Variants in KIRREL3 observed in about 807,000 individuals in gnomAD.
KIRREL3 encodes the protein kin of IRRE-like protein 3.
A neutral mutation model predicts 89.7 loss-of-function variants in KIRREL3; 36 were observed. That is an observed-to-expected ratio of 0.40 (90% CI 0.31 to 0.53). The LOEUF (loss-of-function observed/expected upper bound fraction) is 0.53, where lower values mean the gene tolerates loss of function less well. Ranked by LOEUF, KIRREL3 falls within the 20% of genes least tolerant of loss-of-function variation. The pLI is 0.49. For synonymous variants in KIRREL3, 445 were observed against 441.4 expected (o/e 1.01, Z -0.10); for missense variants, 864 against 1,056.6 (o/e 0.82, Z 2.53).
At chr11:126,536,304 C>T (rs1937866708) in intron 2 of KIRREL3, among the ~76,000 whole-genome samples, 1 of 151,924 alleles carries the variant, frequency 6.6e-6, no homozygotes, top group Non-Finnish European at 1.5e-5. Flanking sequence ...GAAGGTGGCC[C>T]AGTATCCTGG....
chr11:126,680,863 T>C (rs1946422962), intron 1 of KIRREL3, among the ~76,000 whole-genome samples: 1 of 152,176 alleles, frequency 6.6e-6, no homozygotes. Flanking sequence ...TTTCATTAAA[T>C]GAATGCCAGA....
rs1949894462 is a variant in KIRREL3, at chr11:126,768,152, C to CCATCCATT, written c.56-205241_56-205240insAATGGATG. On this transcript the variant is annotated intron_variant, in intron 1 of 16. Transcript: ENST00000525144. The surrounding 1 kb of genome is among the most constrained non-coding windows in gnomAD (Gnocchi z 4.5). The stretch of plus-strand genomic sequence containing the variant: ...TCCATCTATCCATCCATCCATCCAT[C>CCATCCATT]CATCCATCCATCCATCCAATCCATC... 1.5e-5 allele frequency among the ~76,000 whole-genome samples: 2 copies of CCATCCATT among 130,590 alleles called. No homozygotes were observed. The highest frequency in any genetic ancestry group is 3.1e-5 in the Non-Finnish European group (2 of 64,338). The allele number at this position is 130,590 out of a possible 152,430, so 85.7% of individuals were successfully genotyped here. A position where few individuals can be genotyped will look rare whatever the true frequency, so the allele number is the denominator to read the frequency against.
Position 126,709,344 on chromosome 11 carries a change from G to A in KIRREL3, c.56-146432C>T, listed in dbSNP as rs905010514. Among the ~76,000 whole-genome samples, 1 of 152,140 alleles carries A rather than the reference G, an allele frequency of 6.6e-6. No individual in the cohort carries two copies. Among genetic ancestry groups the A allele is most frequent in the African/African-American group, 2.4e-5 (1 of 41,432 alleles). ...AATCAGTCCTATCTCTTCCCCGGGA[G>A]TAGGGGTGGAGGGGCAGCACCCCCG... On this transcript the variant is annotated intron_variant, in intron 1 of 16. Coordinates refer to ENST00000525144, the MANE Select transcript of KIRREL3 (RefSeq NM_032531.4). The surrounding 1 kb of genome is among the most constrained non-coding windows in gnomAD (Gnocchi z 4.0).
Position 126,476,280 on chromosome 11 carries a change from G to A in KIRREL3, c.434-2814C>T, listed in dbSNP as rs1218952165. ...ACCCCAGGCATCAGGACTTTGGGGA[G>A]CTCCCCAGGGGGTCCCATGGCAGGA... On this transcript the variant is annotated intron_variant, in intron 4 of 16. Transcript: ENST00000525144. The surrounding 1 kb of genome is among the most constrained non-coding windows in gnomAD (Gnocchi z 6.4). Among the ~76,000 whole-genome samples, 4 of 152,202 alleles carry A rather than the reference G, an allele frequency of 2.6e-5. No homozygotes were observed. Among genetic ancestry groups the A allele is most frequent in the Non-Finnish European group, 4.4e-5 (3 of 68,040 alleles).
rs1409986398 is a variant in KIRREL3 at position 126,594,680 on chromosome 11, T to C, written c.56-31768A>G. Among the ~76,000 whole-genome samples, 1 of 151,670 alleles carries C rather than the reference T, an allele frequency of 6.6e-6. No individual in the cohort carries two copies. The highest frequency in any genetic ancestry group is 1.5e-5 in the Non-Finnish European group (1 of 68,030). On this transcript the variant is annotated intron_variant, in intron 1 of 16. Transcript: ENST00000525144. This position sits in a 1 kb window ranked among gnomAD's most constrained non-coding sequence, Gnocchi z 5.0. ...AGAAACTATCTCTAAGGCCAGCTCT[T>C]AAATTCTCTAACCCATGCTCCTGGC...
In KIRREL3 at chr11:126,476,365, A is replaced by G. The variant is rs1001758228; in HGVS notation, c.434-2899T>C. 6.6e-6 allele frequency among the ~76,000 whole-genome samples: 1 copy of G among 152,142 alleles called. No individual in the cohort carries two copies. The highest frequency in any genetic ancestry group is 1.5e-5 in the Non-Finnish European group (1 of 68,018). On this transcript the variant is annotated intron_variant, in intron 4 of 16. Transcript: ENST00000525144. The surrounding 1 kb of genome is among the most constrained non-coding windows in gnomAD (Gnocchi z 6.4). ...GCAGGAGCCTCTGCTTGCTCTGAGC[A>G]CAGTGCAGCCACCAAGGCCTTCCCG... is the stretch of plus-strand genomic sequence containing the variant.
chr11:126,619,248 G>C (rs1046762975), intron 1 of KIRREL3, among the ~76,000 whole-genome samples: 8 of 152,204 alleles, frequency 5.3e-5, no homozygotes, highest in African/African-American at 1.9e-4. Flanking sequence ...GAGGAAACAG[G>C]AGATGCCAAA....
rs552311152 is a variant in KIRREL3 at position 126,677,967 on chromosome 11, G to A, written c.56-115055C>T. 1.1e-4 allele frequency among the ~76,000 whole-genome samples: 17 copies of A among 152,148 alleles called. No homozygotes were observed. Among genetic ancestry groups the A allele is most frequent in the South Asian group, 2.1e-4 (1 of 4,814 alleles). ...GCCCTGGGACCCAGAGACACACCCC[G>A]TCCCCAGGCTCCAGCTTCATGGAGC... On this transcript the variant is annotated intron_variant, in intron 1 of 16. Coordinates refer to ENST00000525144, the MANE Select transcript of KIRREL3 (RefSeq NM_032531.4). The surrounding 1 kb of genome is among the most constrained non-coding windows in gnomAD (Gnocchi z 5.1).
At chr11:126,950,604 A>G (rs1948749999) in intron 1 of KIRREL3, among the ~76,000 whole-genome samples, 1 of 152,202 alleles carries the variant, frequency 6.6e-6, no homozygotes, top group African/African-American at 2.4e-5. Context: ...CTAGTGCATT[A>G]CAAAAGACAT....
rs1943582485 is a variant in KIRREL3 at position 126,830,910 on chromosome 11, G to T, written c.55+169545C>A. Among the ~76,000 whole-genome samples the T allele has an allele frequency of 6.6e-6, 1 of 152,108 alleles. No homozygotes were observed. The highest frequency in any genetic ancestry group is 1.5e-5 in the Non-Finnish European group (1 of 68,030). ...CAAGATGTTGCTTTATGGGCAAGGG[G>T]TACGGCCACATATGCCTTCATTGAT... is the stretch of plus-strand genomic sequence containing the variant. On this transcript the variant is annotated intron_variant, in intron 1 of 16. Coordinates refer to ENST00000525144, the MANE Select transcript of KIRREL3 (RefSeq NM_032531.4). This position sits in a 1 kb window ranked among gnomAD's most constrained non-coding sequence, Gnocchi z 4.9.
At chr11:126,833,018 AC>A (rs1226351356) in intron 1 of KIRREL3, among the ~76,000 whole-genome samples, 1 of 152,186 alleles carries the variant, frequency 6.6e-6, no homozygotes, top group Non-Finnish European at 1.5e-5. Flanking sequence ...CTTTAAATCA[AC>A]GGAATGTGTC....
chr11:126,737,970 T>C (rs764354574), intron 1 of KIRREL3, among the ~76,000 whole-genome samples: 1 of 152,208 alleles, frequency 6.6e-6, no homozygotes, highest in Non-Finnish European at 1.5e-5. Flanking sequence ...CTTATTCTTC[T>C]ATTTAACTGT....
intron 1 of KIRREL3, among the ~76,000 whole-genome samples, chr11:126,964,840 T>G (rs1339265968): frequency 6.6e-6 from 1 of 152,122 alleles, no homozygotes; most frequent in African/African-American, 2.4e-5. Context: ...ATCTTCCCAA[T>G]GACCCTCAAA....
chr11:126,694,432 C>T lies in KIRREL3; in HGVS notation c.56-131520G>A, dbSNP rs951617596. Reference sequence around the variant, plus strand: ...GTCTGATTGTGTCAGCATCACGCTCCGTGACATTTAAAAGTGGGGAAGGAA... The same window carrying T: ...GTCTGATTGTGTCAGCATCACGCTCTGTGACATTTAAAAGTGGGGAAGGAA... On this transcript the variant is annotated intron_variant, in intron 1 of 16. Coordinates refer to ENST00000525144, the MANE Select transcript of KIRREL3 (RefSeq NM_032531.4). The surrounding 1 kb of genome is among the most constrained non-coding windows in gnomAD (Gnocchi z 4.4). 1.3e-5 allele frequency among the ~76,000 whole-genome samples: 2 copies of T among 152,120 alleles called. No individual in the cohort carries two copies. The highest frequency in any genetic ancestry group is 2.4e-5 in the African/African-American group (1 of 41,424).
In KIRREL3 at chr11:126,985,379, C is replaced by A. The variant is rs1949834388; in HGVS notation, c.55+15076G>T. ...CCAGCCCTGGCCGCCAGGAAGCTCACAATATGGAAGGGAAGGCGGACCAGA... is the reference window on the plus strand; with the variant it reads ...CCAGCCCTGGCCGCCAGGAAGCTCAAAATATGGAAGGGAAGGCGGACCAGA... On this transcript the variant is annotated intron_variant, in intron 1 of 16. Transcript: ENST00000525144. The surrounding 1 kb of genome is among the most constrained non-coding windows in gnomAD (Gnocchi z 5.3). 6.6e-6 allele frequency among the ~76,000 whole-genome samples: 1 copy of A among 152,004 alleles called. No homozygotes were observed. Among genetic ancestry groups the A allele is most frequent in the Admixed American group, 6.6e-5 (1 of 15,252 alleles).
chr11:126,543,130 CCAAA>C (rs759611527), intron 2 of KIRREL3, among the ~76,000 whole-genome samples: 52 of 152,142 alleles, frequency 3.4e-4, no homozygotes, highest in Admixed American at 2.2e-3. Context: ...CTGTCACCCC[CCAAA>C]CAGAGGCCCT....
Position 126,642,803 on chromosome 11 carries a change from T to C in KIRREL3, c.56-79891A>G, listed in dbSNP as rs942985285. 3.9e-5 allele frequency among the ~76,000 whole-genome samples: 6 copies of C among 152,202 alleles called. No individual in the cohort carries two copies. The highest frequency in any genetic ancestry group is 1.4e-4 in the African/African-American group (6 of 41,440). On this transcript the variant is annotated intron_variant, in intron 1 of 16. Transcript: ENST00000525144. This position sits in a 1 kb window ranked among gnomAD's most constrained non-coding sequence, Gnocchi z 4.9. ...CTTTATGTCCCTTCAAGGGTTATGA[T>C]TTTGTATGTGCAAAATTCTGAACTG...
Position 126,523,152 on chromosome 11 carries a change from C to G in KIRREL3, c.284-1688G>C, listed in dbSNP as rs1444612518. ...GAATATTCTCAACTGTTTGAGGTAT[C>G]CAACAAGGATCTGGGATGCCAGAGA... On this transcript the variant is annotated intron_variant, in intron 3 of 16. Coordinates refer to ENST00000525144, the MANE Select transcript of KIRREL3 (RefSeq NM_032531.4). The surrounding 1 kb of genome is among the most constrained non-coding windows in gnomAD (Gnocchi z 4.9). Among the ~76,000 whole-genome samples the G allele has an allele frequency of 6.6e-6, 1 of 152,106 alleles. No individual in the cohort carries two copies. The highest frequency in any genetic ancestry group is 1.9e-4 in the East Asian group (1 of 5,182).
chr11:126,641,017 T>C lies in KIRREL3; in HGVS notation c.56-78105A>G, dbSNP rs1368304449. Among the ~76,000 whole-genome samples, 2 of 152,102 alleles carry C rather than the reference T, an allele frequency of 1.3e-5. No individual in the cohort carries two copies. The highest frequency in any genetic ancestry group is 2.9e-5 in the Non-Finnish European group (2 of 68,026). ...CTCCACTTGCAATGTGTAACAGGCATCTCAAATTTCACATGCTCCGAAAAG... is the reference window on the plus strand; with the variant it reads ...CTCCACTTGCAATGTGTAACAGGCACCTCAAATTTCACATGCTCCGAAAAG... On this transcript the variant is annotated intron_variant, in intron 1 of 16. Transcript: ENST00000525144. The surrounding 1 kb of genome is among the most constrained non-coding windows in gnomAD (Gnocchi z 5.0).
Sources: gnomAD v4.1 joint callset for allele counts (sites outside exome capture counted in the v4.1 genomes callset) on GRCh38, gnomAD v4.1.1 for gene constraint, Gnocchi (gnomAD v3.1) non-coding constraint, MANE v1.5 for transcripts, NCBI Gene and HGNC (gene_info 2026-07-23, HGNC 2026-07-21) for gene names.